BPIFB1: variants seen among roughly 807,000 people sequenced by gnomAD.
BPIFB1 encodes BPI fold containing family B member 1, also known as BPI fold-containing family B member 1.
Under a neutral mutation model 55.1 loss-of-function variants are expected in BPIFB1, and 34 were observed. That is an observed-to-expected ratio of 0.62 (90% CI 0.47 to 0.82). BPIFB1 has a LOEUF of 0.82. BPIFB1 is among the 40% of genes least tolerant of loss of function. The pLI, the probability that BPIFB1 is intolerant of heterozygous loss-of-function variation, is 0.00. For synonymous variants in BPIFB1, 236 were observed against 245.3 expected (o/e 0.96, Z 0.35); for missense variants, 532 against 593.1 (o/e 0.90, Z 1.07).
intron 15 of BPIFB1, among the ~76,000 whole-genome samples, chr20:33,308,571 TACAC>T (rs1439875622): frequency 8.1e-6 from 1 of 124,164 alleles, no homozygotes; most frequent in Admixed American, 8.0e-5. Context: ...TACACATACA[TACAC>T]ACGCACATAC....
At chr20:33,297,673 C>T (rs765979952) in intron 7 of BPIFB1, 85 bp downstream of exon 7, 3 of 1,399,822 alleles carry the variant, frequency 2.1e-6, no homozygotes, top group Admixed American at 1.7e-5. Flanking sequence ...AAGGCCTCCC[C>T]AAGTCAGGCC....
Position 33,304,874 on chromosome 20 carries a change from G to A in BPIFB1, c.1237G>A (p.Gly413Arg), listed in dbSNP as rs774721796. The A allele has an allele frequency of 3.1e-6, 5 of 1,614,162 alleles. No individual in the cohort carries two copies. The highest frequency in any genetic ancestry group is 4.2e-6 in the Non-Finnish European group (5 of 1,180,018). Residue 413 changes from glycine (G) to arginine (R), a missense_variant, in exon 13 of 16, where the codon GGG (glycine) becomes AGG (arginine). Physicochemically the swap from Gly to Arg is moderately radical, Grantham distance 125. Coordinates refer to ENST00000253354, the MANE Select transcript of BPIFB1 (RefSeq NM_033197.3). ...TGATCGGATCCAGCTGATGAACTCT[G>A]GGATTGGCTGGTTCCAAGTAAGTGT... The part of the protein sequence containing the change: ...SSDRIQLMNS[G>R]IGWFQPDVLK...
intron 6 of BPIFB1, among the ~76,000 whole-genome samples, chr20:33,292,319 C>A (rs1980500745): frequency 6.6e-6 from 1 of 152,172 alleles, no homozygotes; most frequent in Non-Finnish European, 1.5e-5. Flanking sequence ...ATACTCCCTT[C>A]AGGGCCAATT....
chr20:33,301,094 A>T, intron 8 of BPIFB1, 139 bp from the exon 9 acceptor site: 1 of 786,416 alleles, frequency 1.3e-6, no homozygotes, highest in Non-Finnish European at 2.1e-6. Context: ...GTTGCCACAC[A>T]CCTGAGCTCC....
At chr20:33,286,306 C>A in intron 2 of BPIFB1, 118 bp downstream of exon 2, 1 of 861,102 alleles carries the variant, frequency 1.2e-6, no homozygotes, top group Non-Finnish European at 1.8e-6. Flanking sequence ...GATCCCAGAA[C>A]GTGGGTGAAC....
intron 14 of BPIFB1, chr20:33,306,552 AG>A (rs1273889579): frequency 1.9e-5 from 6 of 313,838 alleles, no homozygotes; most frequent in Non-Finnish European, 3.0e-5. Context: ...AGGGGTGGGA[AG>A]GGTTTGTAAC....
chr20:33,289,201 C>T (rs771055192), intron 3 of BPIFB1, among the ~76,000 whole-genome samples: 15 of 151,882 alleles, frequency 9.9e-5, no homozygotes, highest in Non-Finnish European at 2.1e-4. Context: ...GCCAACATGG[C>T]AAAACCCCAT....
chr20:33,308,590 A>T (rs1255317783), intron 15 of BPIFB1, among the ~76,000 whole-genome samples: 2 of 111,536 alleles, frequency 1.8e-5, no homozygotes, highest in Non-Finnish European at 3.7e-5. Context: ...ACATACAAAC[A>T]CATACACCTT....
chr20:33,286,059 C>T lies in BPIFB1; in HGVS notation c.-15C>T, dbSNP rs551241629. On this transcript the variant is annotated 5_prime_UTR_variant, in exon 2 of 16. Transcript: ENST00000253354. ...TCTGGCATCCTGCACTTGCTGCCCT[C>T]TGACACCTGGGAAGATGGCCGGCCC... 3.7e-6 allele frequency: 6 copies of T among 1,613,680 alleles called. No homozygotes were observed. The South Asian group carries it at 5.5e-5, about 15-fold the overall frequency.
Position 33,309,598 on chromosome 20 carries a change from G to A in BPIFB1, c.1396-110G>A. 9.7e-7 allele frequency: 1 copy of A among 1,027,186 alleles called. No homozygotes were observed. Among genetic ancestry groups the A allele is most frequent in the South Asian group, 1.3e-5 (1 of 74,320 alleles). 63.6% of individuals were successfully genotyped at this position (1,027,186 alleles called of 1,614,324 possible). A position where few individuals can be genotyped will look rare whatever the true frequency, so the allele number is the denominator to read the frequency against. ...AGAATTCTGTATTTGTGGGTTCAGG[G>A]TCATGGTCCCCCGGTGCCAGCAGTC... is the stretch of plus-strand genomic sequence containing the variant. On this transcript the variant is annotated intron_variant, in intron 15 of 15. Coordinates refer to ENST00000253354, the MANE Select transcript of BPIFB1 (RefSeq NM_033197.3). The surrounding 1 kb of genome is among the most constrained non-coding windows in gnomAD (Gnocchi z 4.4).
chr20:33,308,227 C>T (rs1000062882), intron 15 of BPIFB1, among the ~76,000 whole-genome samples: 11 of 152,196 alleles, frequency 7.2e-5, no homozygotes, highest in African/African-American at 2.7e-4. Flanking sequence ...CACAAGAAAC[C>T]AGCCCCATGA....
intron 7 of BPIFB1, 156 bp downstream of exon 7, chr20:33,297,744 C>A: frequency 2.6e-6 from 2 of 761,276 alleles, no homozygotes; most frequent in South Asian, 1.5e-5. Flanking sequence ...CTGCCCCAGA[C>A]GCGCAGACAG....
intron 9 of BPIFB1, 131 bp from the exon 10 acceptor site, chr20:33,302,228 A>T: frequency 1.2e-6 from 1 of 862,322 alleles, no homozygotes; most frequent in Non-Finnish European, 2.0e-6. Context: ...AATGACAGAC[A>T]CATGGCTTGG....
chr20:33,296,572 G>C (rs1318087042), intron 6 of BPIFB1, among the ~76,000 whole-genome samples: 1 of 152,150 alleles, frequency 6.6e-6, no homozygotes, highest in Non-Finnish European at 1.5e-5. Context: ...TTTTGGGCTG[G>C]ATAATTCTTT....
At position 33,304,906 on chromosome 20, in the gene BPIFB1, G is replaced by C; in HGVS notation, c.1254+15G>C. 6.2e-7 allele frequency: 1 copy of C among 1,613,956 alleles called. No individual in the cohort carries two copies. The highest frequency in any genetic ancestry group is 8.5e-7 in the Non-Finnish European group (1 of 1,179,866). ...GCTGGTTCCAAGTAAGTGTTAACAG[G>C]TGGTGCCTGAGGGCACAGGGGGTGG... On this transcript the variant is annotated intron_variant, in intron 13 of 15. Transcript: ENST00000253354.
At chr20:33,297,212 C>T (rs1029328620) in intron 6 of BPIFB1, among the ~76,000 whole-genome samples, 1 of 152,234 alleles carries the variant, frequency 6.6e-6, no homozygotes, top group African/African-American at 2.4e-5. Context: ...TGAGCCATTG[C>T]GCCCAGCCTC....
intron 1 of BPIFB1, among the ~76,000 whole-genome samples, chr20:33,284,082 G>T (rs1011486350): frequency 2.0e-5 from 3 of 152,176 alleles, no homozygotes; most frequent in Non-Finnish European, 2.9e-5. Flanking sequence ...CATAATTATC[G>T]TGGAAGCTAC....
chr20:33,288,821 C>A lies in BPIFB1; in HGVS notation c.196C>A (p.Pro66Thr). The A allele has an allele frequency of 6.2e-7, 1 of 1,614,008 alleles. No individual in the cohort carries two copies. The highest frequency in any genetic ancestry group is 8.5e-7 in the Non-Finnish European group (1 of 1,180,034). Residue 66 changes from proline to threonine, a missense_variant, in exon 3 of 16, where the codon CCA (proline) becomes ACA (threonine). Pro to Thr is a conservative substitution (Grantham distance 38). Coordinates refer to ENST00000253354, the MANE Select transcript of BPIFB1 (RefSeq NM_033197.3). ...LPLLSAMREK[P>T]AGGIPVLGSL... ...GCTGCTCAGTGCCATGCGGGAAAAG[C>A]CAGCCGGAGGCATCCCTGTGCTGGG...
chr20:33,302,820 G>A (rs1452681101), intron 10 of BPIFB1, 96 bp from the exon 11 acceptor site: 3 of 1,403,050 alleles, frequency 2.1e-6, no homozygotes, highest in Non-Finnish European at 3.0e-6. Flanking sequence ...AGGGAGCAGG[G>A]AGCCCAGGAA....
Sources: gnomAD v4.1 joint callset for allele counts (sites outside exome capture counted in the v4.1 genomes callset) on GRCh38, gnomAD v4.1.1 for gene constraint, Gnocchi (gnomAD v3.1) non-coding constraint, MANE v1.5 for transcripts, NCBI Gene and HGNC (gene_info 2026-07-23, HGNC 2026-07-21) for gene names.